The following AMT variants were observed in gnomAD, a reference collection of about 807,000 sequenced individuals.
AMT encodes aminomethyltransferase, mitochondrial.
In AMT, 24 loss-of-function variants were observed where a neutral mutation model predicts 39.5. That is an observed-to-expected ratio of 0.61 (90% CI 0.44 to 0.86). The LOEUF (loss-of-function observed/expected upper bound fraction) is 0.86, where lower values mean the gene tolerates loss of function less well. Ranked by LOEUF, AMT falls within the 40% of genes least tolerant of loss-of-function variation. AMT has a pLI of 0.00. For missense variants in AMT, 501 were observed against 537.0 expected (o/e 0.93, Z 0.66); for synonymous variants, 210 against 212.1 (o/e 0.99, Z 0.09).
Position 49,419,276 on chromosome 3 carries a change from C to A in AMT, c.680G>T (p.Gly227Val). 6.2e-7 allele frequency: 1 copy of A among 1,614,194 alleles called. No homozygotes were observed. The highest frequency in any genetic ancestry group is 1.1e-5 in the South Asian group (1 of 91,086). Residue 227 changes from glycine to valine, a missense_variant, in exon 6 of 9, where the codon GGA becomes GTA. By Grantham distance (109) the Gly-to-Val change is moderately radical. Coordinates refer to ENST00000273588, the MANE Select transcript of AMT (RefSeq NM_000481.4). The part of the protein sequence containing the change: ...GCRVTRCGYT[G>V]EDGVEISVPV... ...TTGACACACCTCCACACCATCCTCT[C>A]CTGTGTAGCCACAGCGGGTCACGCG... is the stretch of plus-strand genomic sequence containing the variant.
intron 3 of AMT, chr3:49,420,996 GTGCAACCTCAGCTTGC>G (rs781204661): frequency 3.6e-5 from 9 of 252,136 alleles, no homozygotes; most frequent in East Asian, 3.0e-4. Context: ...GAGTGCAGTG[GTGCAACCTCAGCTTGC>G]TGCAACCTCA....
Position 49,417,704 on chromosome 3 carries a change from C to T in AMT, c.1048G>A (p.Gly350Ser). 6.2e-7 allele frequency: 1 copy of T among 1,613,994 alleles called. No homozygotes were observed. Among genetic ancestry groups the T allele is most frequent in the East Asian group, 2.2e-5 (1 of 44,892 alleles). ...EGTKIGTVTS[G>S]CPSPSLKKNV... ...TTCTTCAGAGAGGGGGAGGGGCAGC[C>T]ACTAGTCACAGTACCTGTCAAGCAA... is the stretch of plus-strand genomic sequence containing the variant. Residue 350 changes from glycine to serine, a missense_variant, in exon 9 of 9, where the codon GGC becomes AGC. Transcript: ENST00000273588.
intron 4 of AMT, 185 bp from the exon 5 acceptor site, chr3:49,419,973 A>C (rs1462197110): frequency 1.3e-6 from 1 of 787,844 alleles, no homozygotes; most frequent in African/African-American, 1.7e-5. Context: ...AGATGACCCA[A>C]GCCCAGTTCT....
Position 49,420,011 on chromosome 3 carries a change from C to T in AMT, c.471+200G>A, listed in dbSNP as rs899527727. 75 of 822,724 alleles carry T rather than the reference C, an allele frequency of 9.1e-5. 2 individuals are homozygous for T. The Admixed American group carries it at 1.6e-3, about 17-fold the overall frequency. The allele number at this position is 822,724 out of a possible 1,614,324, so 51.0% of individuals were successfully genotyped here. A position where few individuals can be genotyped will look rare whatever the true frequency, so the allele number is the denominator to read the frequency against. ...CACCTCACACCAGAGGGGCCAAGAC[C>T]CCCTCCCCATGCCTGGTAATCCCCC... On this transcript the variant is annotated intron_variant, in intron 4 of 8. Coordinates refer to ENST00000273588, the MANE Select transcript of AMT (RefSeq NM_000481.4).
In AMT at chr3:49,421,943, T is replaced by C. The variant is rs1464566; in HGVS notation, c.258+161A>G. ...GATGATGAGACCCTCTGAGCTCATT[T>C]CCTTGGGGCCATTGACCTATCCATG... On this transcript the variant is annotated intron_variant, in intron 2 of 8. Transcript: ENST00000273588. The C allele has an allele frequency of 0.47, 459,027 of 980,648 alleles. 117,419 individuals are homozygous for C. Among genetic ancestry groups the C allele is most frequent in the East Asian group, 0.93 (37,334 of 40,064 alleles). 60.7% of individuals were successfully genotyped at this position (980,648 alleles called of 1,614,324 possible). A position where few individuals can be genotyped will look rare whatever the true frequency, so the allele number is the denominator to read the frequency against.
chr3:49,422,042 GTGGACCAC>G, intron 2 of AMT, 54 bp downstream of exon 2: 2 of 1,607,480 alleles, frequency 1.2e-6, no homozygotes, highest in Non-Finnish European at 1.7e-6. Flanking sequence ...AAGCCAAGGA[GTGGACCAC>G]TGTAAACAGG....
rs763223038 is a variant in AMT at position 49,422,367 on chromosome 3, G to C, written c.84C>G (p.Cys28Trp). 1.2e-6 allele frequency: 2 copies of C among 1,613,150 alleles called. No homozygotes were observed. Among genetic ancestry groups the C allele is most frequent in the East Asian group, 4.5e-5 (2 of 44,836 alleles). Residue 28 changes from cysteine (C) to tryptophan (W), a missense_variant, in exon 1 of 9, where the codon TGC (cysteine) becomes TGG (tryptophan). Physicochemically the swap from Cys to Trp is radical, Grantham distance 215. Transcript: ENST00000273588. ...FPPALCRPLSCAQEVLRRTPL... is the reference protein window; with the variant it reads ...FPPALCRPLSWAQEVLRRTPL... Reference sequence around the variant, plus strand: ...TCAGCACCCTCTATCCCACCTGTGCGCAACTAAGTGGACGACACAAGGCCG... The same window carrying C: ...TCAGCACCCTCTATCCCACCTGTGCCCAACTAAGTGGACGACACAAGGCCG...
chr3:49,421,456 T>TA (rs2049100916), intron 3 of AMT, 36 bp downstream of exon 3: 2 of 1,581,380 alleles, frequency 1.3e-6, no homozygotes, highest in Non-Finnish European at 1.7e-6. Flanking sequence ...GGCTCATGAC[T>TA]AAGAAAACTC....
Position 49,417,853 on chromosome 3 carries a change from T to G in AMT, c.998A>C (p.His333Pro). The G allele has an allele frequency of 6.2e-7, 1 of 1,614,140 alleles. No homozygotes were observed. Among genetic ancestry groups the G allele is most frequent in the South Asian group, 1.1e-5 (1 of 91,086 alleles). ...LMCEGAPMRA[H>P]SPILNMEGTK... ...ACCCTCCATGTTCAGGATGGGACTG[T>G]GTGCCCGCATGGGGGCCCCCTCACA... is the stretch of plus-strand genomic sequence containing the variant. The change falls in exon 8 of 9, where the codon CAC (histidine) becomes CCC (proline). Residue 333 changes from histidine (H) to proline (P), a missense_variant. Transcript: ENST00000273588.
Position 49,421,984 on chromosome 3 carries a change from C to T in AMT, c.258+120G>A, listed in dbSNP as rs1188676455. On this transcript the variant is annotated intron_variant, in intron 2 of 8. Coordinates refer to ENST00000273588, the MANE Select transcript of AMT (RefSeq NM_000481.4). ...CCTATCCATGACACCCCCATGACCT[C>T]TAGCTCTTCTGAGAAGGCTGTCCTT... The T allele has an allele frequency of 2.8e-6, 4 of 1,436,530 alleles. No homozygotes were observed. The South Asian group carries it at 4.6e-5, about 17-fold the overall frequency. 89.0% of individuals were successfully genotyped at this position (1,436,530 alleles called of 1,614,324 possible).
rs761911876 is a variant in AMT at position 49,417,865 on chromosome 3, G to T, written c.986C>A (p.Pro329His). Residue 329 changes from proline to histidine, a missense_variant, in exon 8 of 9, where the codon CCC becomes CAC. Transcript: ENST00000273588. ...CAGGATGGGACTGTGTGCCCGCATGGGGGCCCCCTCACACATCAACCCCAC... is the reference window on the plus strand; with the variant it reads ...CAGGATGGGACTGTGTGCCCGCATGTGGGCCCCCTCACACATCAACCCCAC... ...RRVGLMCEGA[P>H]MRAHSPILNM... 3.7e-6 allele frequency: 6 copies of T among 1,614,008 alleles called. No homozygotes were observed. In the South Asian group the frequency reaches 6.6e-5, roughly 18 times the overall value.
At chr3:49,421,462 A>C in intron 3 of AMT, 30 bp downstream of exon 3, 1 of 1,594,590 alleles carries the variant, frequency 6.3e-7, no homozygotes, top group Non-Finnish European at 8.6e-7. Flanking sequence ...TGACTAAGAA[A>C]ACTCATAGAG....
intron 2 of AMT, 136 bp downstream of exon 2, chr3:49,421,968 G>T: frequency 7.9e-7 from 1 of 1,261,264 alleles, no homozygotes; most frequent in Non-Finnish European, 1.1e-6. Context: ...ACCTATCCAT[G>T]ACACCCCCAT....
chr3:49,421,473 C>T lies in AMT; in HGVS notation c.339+19G>A, dbSNP rs2107935879. The T allele has an allele frequency of 6.2e-7, 1 of 1,608,424 alleles. No individual in the cohort carries two copies. The highest frequency in any genetic ancestry group is 8.5e-7 in the Non-Finnish European group (1 of 1,174,816). On this transcript the variant is annotated intron_variant, in intron 3 of 8. Transcript: ENST00000273588. ...CTCATGACTAAGAAAACTCATAGAG[C>T]AGAAATAAAAGGGCCCACCTGGTTT...
chr3:49,419,360 A>G lies in AMT; in HGVS notation c.596T>C (p.Leu199Pro). 6.2e-7 allele frequency: 1 copy of G among 1,614,142 alleles called. No individual in the cohort carries two copies. The highest frequency in any genetic ancestry group is 8.5e-7 in the Non-Finnish European group (1 of 1,180,020). The part of the protein sequence containing the change: ...QVLQAGVADD[L>P]RKLPFMTSAV... ...ACTGGTCATGAAGGGCAGTTTCCTCAGGTCATCTGCCACGCCGGCCTGTAG... is the reference window on the plus strand; with the variant it reads ...ACTGGTCATGAAGGGCAGTTTCCTCGGGTCATCTGCCACGCCGGCCTGTAG... Residue 199 changes from leucine (L) to proline (P), a missense_variant, in exon 6 of 9, where the codon CTG (leucine) becomes CCG (proline). Transcript: ENST00000273588.
chr3:49,420,207 A>G lies in AMT; in HGVS notation c.471+4T>C. ...AAGGTGTCTAGAACACAGAGGGGGT[A>G]TACCTGCATGAGGGCCAAATCTTTC... On this transcript the variant is annotated splice_donor_region_variant and intron_variant, in intron 4 of 8. Coordinates refer to ENST00000273588, the MANE Select transcript of AMT (RefSeq NM_000481.4). The G allele has an allele frequency of 1.2e-6, 2 of 1,614,216 alleles. No homozygotes were observed. The highest frequency in any genetic ancestry group is 1.7e-6 in the Non-Finnish European group (2 of 1,180,026).
chr3:49,417,082 T>G lies in AMT; in HGVS notation c.*458A>C. On this transcript the variant is annotated 3_prime_UTR_variant, in exon 9 of 9. Coordinates refer to ENST00000273588, the MANE Select transcript of AMT (RefSeq NM_000481.4). ...ATTCCTGACTTGCAGTAAGGACAAT[T>G]TGCATTTACGGAAAGCAAACTGGAG... The G allele has an allele frequency of 1.5e-6, 1 of 671,662 alleles. No homozygotes were observed. The highest frequency in any genetic ancestry group is 2.7e-6 in the Non-Finnish European group (1 of 369,142). 41.6% of individuals were successfully genotyped at this position (671,662 alleles called of 1,614,324 possible).
At chr3:49,420,051 G>C (rs779211671) in intron 4 of AMT, 160 bp downstream of exon 4, 859 of 1,008,792 alleles carry the variant, frequency 8.5e-4, no homozygotes, top group Non-Finnish European at 1.2e-3. Flanking sequence ...CCAAACCCTG[G>C]CGTGCTCCAG....
At chr3:49,420,458 G>T in intron 3 of AMT, 116 bp from the exon 4 acceptor site, 1 of 1,492,026 alleles carries the variant, frequency 6.7e-7, no homozygotes, top group Non-Finnish European at 9.3e-7. Flanking sequence ...CTAATGTGAA[G>T]GACTCAGGGT....
Sources: allele counts gnomAD v4.1 joint callset, GRCh38; gene constraint gnomAD v4.1.1; transcripts MANE v1.5; gene names NCBI Gene and HGNC (gene_info 2026-07-23, HGNC 2026-07-21).